Variants in HMGCLL1 observed in about 807,000 individuals in gnomAD.
HMGCLL1 encodes 3-hydroxymethyl-3-methylglutaryl-CoA lyase, cytoplasmic.
Under a neutral mutation model 39.1 loss-of-function variants are expected in HMGCLL1, and 36 were observed. The ratio of observed to expected loss-of-function variants is 0.92; its 90% CI spans 0.71 to 1.22. The LOEUF (loss-of-function observed/expected upper bound fraction) is 1.22. HMGCLL1 is among the 50% of genes most tolerant of loss of function. HMGCLL1 has a pLI of 0.00. For synonymous variants in HMGCLL1, 149 were observed against 144.0 expected (o/e 1.03, Z -0.25); for missense variants, 451 against 416.5 (o/e 1.08, Z -0.72).
intron 7 of HMGCLL1, among the ~76,000 whole-genome samples, chr6:55,482,034 C>T (rs1194611918): frequency 6.6e-6 from 1 of 151,998 alleles, no homozygotes; most frequent in Non-Finnish European, 1.5e-5. Flanking sequence ...CTTTTATTTC[C>T]ACTTCTTCAT....
intron 6 of HMGCLL1, among the ~76,000 whole-genome samples, chr6:55,498,848 CA>C (rs1404322716): frequency 6.6e-6 from 1 of 152,088 alleles, no homozygotes; most frequent in African/African-American, 2.4e-5. Context: ...CCAAAGTATG[CA>C]GGAGCAAAAC....
intron 3 of HMGCLL1, among the ~76,000 whole-genome samples, chr6:55,534,118 G>A (rs767374880): frequency 2.0e-5 from 3 of 152,078 alleles, no homozygotes; most frequent in Non-Finnish European, 2.9e-5. Flanking sequence ...ATAGGAGTGA[G>A]GTAAGTATTG....
At chr6:55,465,063 G>T (rs1267268312) in intron 7 of HMGCLL1, among the ~76,000 whole-genome samples, 1 of 152,008 alleles carries the variant, frequency 6.6e-6, no homozygotes, top group African/African-American at 2.4e-5. Context: ...CATTTATTCT[G>T]ATTTATTTGT....
the HMGCLL1 span, among the ~76,000 whole-genome samples, chr6:55,664,320 T>C: frequency 6.6e-6 from 1 of 151,798 alleles, no homozygotes; most frequent in African/African-American, 2.4e-5. Context: ...GGTCTTTCCA[T>C]ATTTAGTGCT....
intron 7 of HMGCLL1, among the ~76,000 whole-genome samples, chr6:55,450,967 G>T (rs1249209787): frequency 6.6e-6 from 1 of 152,130 alleles, no homozygotes; most frequent in East Asian, 1.9e-4. Flanking sequence ...CAGTAATTGA[G>T]TTCATTGGCT....
chr6:55,487,742 T>C (rs887811903), intron 7 of HMGCLL1, among the ~76,000 whole-genome samples: 1 of 152,050 alleles, frequency 6.6e-6, no homozygotes, highest in Admixed American at 6.6e-5. Flanking sequence ...CTAAATAAAA[T>C]TTAGATTAAG....
At chr6:55,662,434 A>G in the HMGCLL1 span, among the ~76,000 whole-genome samples, 3 of 151,738 alleles carry the variant, frequency 2.0e-5, no homozygotes, top group East Asian at 3.9e-4. Context: ...AAGTCTCTTG[A>G]GATTATCATG....
chr6:55,639,409 T>C, the HMGCLL1 span, among the ~76,000 whole-genome samples: 1 of 150,900 alleles, frequency 6.6e-6, no homozygotes, highest in Non-Finnish European at 1.5e-5. Context: ...AGCACTATTC[T>C]AGACACAGGA....
chr6:55,466,867 G>A (rs1764816784), intron 7 of HMGCLL1, among the ~76,000 whole-genome samples: 2 of 152,028 alleles, frequency 1.3e-5, no homozygotes, highest in South Asian at 4.1e-4. Context: ...AACTCTTGTG[G>A]TCCTCCATCA....
the HMGCLL1 span, among the ~76,000 whole-genome samples, chr6:55,601,602 C>T: frequency 4.6e-5 from 7 of 152,166 alleles, no homozygotes; most frequent in East Asian, 3.9e-4. Flanking sequence ...TGTAGAATTG[C>T]GGTCATTTTT....
chr6:55,559,561 G>A (rs910687138), intron 1 of HMGCLL1, among the ~76,000 whole-genome samples: 35 of 152,118 alleles, frequency 2.3e-4, no homozygotes, highest in Admixed American at 2.3e-3. Context: ...AGGAGAGCAG[G>A]GGCACAAGAA....
At chr6:55,647,823 G>A in the HMGCLL1 span, among the ~76,000 whole-genome samples, 1 of 118,002 alleles carries the variant, frequency 8.5e-6, no homozygotes, top group African/African-American at 3.4e-5. Flanking sequence ...CATTGTGCAG[G>A]TTAGTTACAT....
At chr6:55,510,062 C>A (rs997063866) in intron 5 of HMGCLL1, among the ~76,000 whole-genome samples, 6 of 151,872 alleles carry the variant, frequency 4.0e-5, no homozygotes, top group African/African-American at 1.2e-4. Flanking sequence ...GAAAAAAATT[C>A]AACCAGTTAC....
chr6:55,488,425 G>A (rs1036233853), intron 7 of HMGCLL1, among the ~76,000 whole-genome samples: 3 of 151,948 alleles, frequency 2.0e-5, no homozygotes, highest in Non-Finnish European at 2.9e-5. Flanking sequence ...AATTATTGAG[G>A]AAAAGGATGA....
At chr6:55,603,289 C>T in the HMGCLL1 span, among the ~76,000 whole-genome samples, 2 of 152,038 alleles carry the variant, frequency 1.3e-5, no homozygotes, top group East Asian at 3.9e-4. Context: ...CTATCTCTAA[C>T]TCATTCTTAC....
chr6:55,646,997 G>A, the HMGCLL1 span, among the ~76,000 whole-genome samples: 49 of 152,014 alleles, frequency 3.2e-4, no homozygotes, highest in Middle Eastern at 3.4e-3. Context: ...GCAGTCTCCA[G>A]CTATTCTTGT....
chr6:55,583,181 C>A (rs1026826829), upstream of HMGCLL1, among the ~76,000 whole-genome samples: 1 of 151,726 alleles, frequency 6.6e-6, no homozygotes, highest in African/African-American at 2.4e-5. Flanking sequence ...TTTGATGAAG[C>A]CATTTATTTT....
chr6:55,483,989 T>C (rs188233654), intron 7 of HMGCLL1, among the ~76,000 whole-genome samples: 30 of 152,190 alleles, frequency 2.0e-4, no homozygotes, highest in Admixed American at 8.5e-4. Flanking sequence ...AGGTAATAAA[T>C]GGATAAAAAA....
At chr6:55,608,449 T>A in the HMGCLL1 span, among the ~76,000 whole-genome samples, 1 of 152,150 alleles carries the variant, frequency 6.6e-6, no homozygotes, top group African/African-American at 2.4e-5. Flanking sequence ...AATCAGGCAT[T>A]TTTCAGTTAA....
Sources: allele counts gnomAD v4.1 joint callset (sites outside exome capture counted in the v4.1 genomes callset), GRCh38; gene constraint gnomAD v4.1.1; transcripts MANE v1.5; gene names NCBI Gene and HGNC (gene_info 2026-07-23, HGNC 2026-07-21).